CYP3A43: variants seen among roughly 807,000 people sequenced by gnomAD.
CYP3A43 encodes cytochrome P450 3A43.
A neutral mutation model predicts 58.0 loss-of-function variants in CYP3A43; 45 were observed. The observed-to-expected ratio is 0.78, with a 90% confidence interval of 0.61 to 0.99. CYP3A43 has a LOEUF of 0.99. Among genes scored for constraint, CYP3A43 ranks in the 50% least tolerant of loss-of-function variants. The pLI is 0.00. For synonymous variants in CYP3A43, 191 were observed against 201.4 expected (o/e 0.95, Z 0.44); for missense variants, 593 against 591.9 (o/e 1.00, Z -0.02).
intron 2 of CYP3A43, among the ~76,000 whole-genome samples, chr7:99,837,172 A>T (rs924253137): frequency 1.4e-5 from 2 of 144,440 alleles, no homozygotes; most frequent in Non-Finnish European, 3.0e-5. Context: ...AAAAAAAATT[A>T]GCCGGGCGCA....
chr7:99,861,496 T>C, intron 10 of CYP3A43, 117 bp from the exon 11 acceptor site: 1 of 868,288 alleles, frequency 1.2e-6, no homozygotes, highest in Admixed American at 2.7e-5. Context: ...AATGCAACAA[T>C]CTTTTACCAG....
At position 99,861,839 on chromosome 7, in the gene CYP3A43, G is replaced by A. The variant is rs1300595147; in HGVS notation, c.1253G>A (p.Arg418Lys). ...GAGCCTGAGAAGTTCTGCCCTGAAAGGTACAAGGCCCCTGGGAAAGGAGCC... is the reference window on the plus strand; with the variant it reads ...GAGCCTGAGAAGTTCTGCCCTGAAAAGTACAAGGCCCCTGGGAAAGGAGCC... The part of the protein sequence containing the change: ...WTEPEKFCPE[R>K]FSKKNKDSID... The change falls in exon 11 of 13, where the codon AGG becomes AAG. Residue 418 changes from arginine to lysine, a missense_variant and splice_region_variant. Arg to Lys is a conservative substitution (Grantham distance 26, BLOSUM62 2). Coordinates refer to ENST00000354829, the MANE Select transcript of CYP3A43 (RefSeq NM_057095.3). The A allele has an allele frequency of 1.2e-6, 2 of 1,608,438 alleles. No homozygotes were observed. The highest frequency in any genetic ancestry group is 1.7e-5 in the Admixed American group (1 of 59,924).
At position 99,859,988 on chromosome 7, in the gene CYP3A43, A is replaced by G. The variant is rs1212873337; in HGVS notation, c.1024A>G (p.Lys342Glu). The G allele has an allele frequency of 6.3e-7, 1 of 1,597,494 alleles. No individual in the cohort carries two copies. Among genetic ancestry groups the G allele is most frequent in the Admixed American group, 1.7e-5 (1 of 58,204 alleles). ...GGAGATTGACGCAGTTTTACCCAAT[A>G]AGGTAAGGGGATGATCCCCTGGAGA... ...QEEIDAVLPN[K>E]APVTYDALVQ... is the part of the protein sequence containing the mutation. Residue 342 changes from lysine to glutamate, a missense_variant and splice_region_variant, in exon 10 of 13, where the codon AAG becomes GAG. Lys to Glu is a moderately conservative substitution (Grantham distance 56). Transcript: ENST00000354829.
At chr7:99,837,235 C>T (rs1325842066) in intron 2 of CYP3A43, among the ~76,000 whole-genome samples, 5 of 145,106 alleles carry the variant, frequency 3.4e-5, no homozygotes, top group African/African-American at 1.0e-4. Context: ...AGGAGAATGG[C>T]GTGAACCCGG....
chr7:99,860,209 G>C (rs1017253609), intron 10 of CYP3A43, among the ~76,000 whole-genome samples: 2 of 152,216 alleles, frequency 1.3e-5, no homozygotes, highest in East Asian at 1.9e-4. Flanking sequence ...TGCTGGTCCT[G>C]CTGCATCCGT....
chr7:99,858,529 A>G (rs1372705885), intron 9 of CYP3A43, among the ~76,000 whole-genome samples: 1 of 152,102 alleles, frequency 6.6e-6, no homozygotes, highest in Non-Finnish European at 1.5e-5. Context: ...GAGCAGAGAG[A>G]ATGGGCATGT....
intron 7 of CYP3A43, among the ~76,000 whole-genome samples, chr7:99,850,762 T>C (rs1817730799): frequency 6.6e-6 from 1 of 152,256 alleles, no homozygotes; most frequent in African/African-American, 2.4e-5. Context: ...TATGTGGTCT[T>C]TTGTGACTGG....
At chr7:99,857,005 C>A in intron 9 of CYP3A43, 106 bp downstream of exon 9, 2 of 1,335,830 alleles carry the variant, frequency 1.5e-6, no homozygotes, top group Non-Finnish European at 1.0e-6. Flanking sequence ...ATTTCTTCCA[C>A]ATTGCAGAAA....
intron 9 of CYP3A43, 51 bp from the exon 10 acceptor site, chr7:99,859,779 T>C (rs765619891): frequency 4.4e-6 from 7 of 1,607,384 alleles, no homozygotes; most frequent in Non-Finnish European, 5.9e-6. Flanking sequence ...ATCTAAACTG[T>C]GATGCTCTAC....
At chr7:99,855,978 C>T (rs1423949882) in intron 8 of CYP3A43, among the ~76,000 whole-genome samples, 1 of 152,180 alleles carries the variant, frequency 6.6e-6, no homozygotes, top group Non-Finnish European at 1.5e-5. Flanking sequence ...AGAAGCTTTA[C>T]CGCTTCTCTT....
chr7:99,857,044 G>C (rs1172246059), intron 9 of CYP3A43, 145 bp downstream of exon 9: 2 of 1,020,304 alleles, frequency 2.0e-6, no homozygotes, highest in Non-Finnish European at 2.9e-6. Context: ...ATAAATGATA[G>C]CTGGAGGCAC....
chr7:99,852,894 A>G (rs1282704135), intron 7 of CYP3A43, among the ~76,000 whole-genome samples: 1 of 152,198 alleles, frequency 6.6e-6, no homozygotes, highest in African/African-American at 2.4e-5. Flanking sequence ...GTGTGTTTTC[A>G]TTTAATTGAC....
Position 99,861,661 on chromosome 7 carries a change from G to A in CYP3A43, c.1075G>A (p.Val359Met). The A allele has an allele frequency of 1.9e-6, 3 of 1,614,154 alleles. No individual in the cohort carries two copies. The highest frequency in any genetic ancestry group is 1.7e-6 in the Non-Finnish European group (2 of 1,180,016). ...GGTACAGATGGAGTACCTTGACATG[G>A]TGGTGAATGAAACGCTCAGATTATT... ...ALVQMEYLDMVVNETLRLFPV... is the reference protein window; with the variant it reads ...ALVQMEYLDMMVNETLRLFPV... The change falls in exon 11 of 13, where the codon GTG (valine) becomes ATG (methionine). Residue 359 changes from valine (V) to methionine (M), a missense_variant. Transcript: ENST00000354829.
chr7:99,846,330 A>G (rs1179787755), intron 4 of CYP3A43, among the ~76,000 whole-genome samples: 1 of 152,110 alleles, frequency 6.6e-6, no homozygotes, highest in Non-Finnish European at 1.5e-5. Context: ...TCACACCTAA[A>G]GTATTTCATT....
At position 99,849,588 on chromosome 7, in the gene CYP3A43, A is replaced by C. The variant is rs779107283; in HGVS notation, c.564A>C (p.Leu188Phe). The C allele has an allele frequency of 6.2e-7, 1 of 1,612,978 alleles. No homozygotes were observed. Among genetic ancestry groups the C allele is most frequent in the Admixed American group, 1.7e-5 (1 of 59,778 alleles). ...CCATGGATGTAATCACTGGCACATT[A>C]TTTGGAGTGAACTTGGATTCTCTCA... ...AYTMDVITGT[L>F]FGVNLDSLNN... Residue 188 changes from leucine (L) to phenylalanine (F), a missense_variant, in exon 7 of 13, where the codon TTA becomes TTC. Leu to Phe is a conservative substitution (Grantham distance 22). Coordinates refer to ENST00000354829, the MANE Select transcript of CYP3A43 (RefSeq NM_057095.3).
chr7:99,861,725 A>G lies in CYP3A43; in HGVS notation c.1139A>G (p.Asp380Gly). 1 of 1,614,200 alleles carries G rather than the reference A, an allele frequency of 6.2e-7. No homozygotes were observed. The highest frequency in any genetic ancestry group is 8.5e-7 in the Non-Finnish European group (1 of 1,180,030). ...AGAGTTACGAGAGTCTGCAAGAAAG[A>G]TATTGAAATCAATGGAGTGTTCATT... ...VSRVTRVCKK[D>G]IEINGVFIPK... The change falls in exon 11 of 13, where the codon GAT becomes GGT. Residue 380 changes from aspartate to glycine, a missense_variant. By Grantham distance (94) the Asp-to-Gly change is moderately conservative. Coordinates refer to ENST00000354829, the MANE Select transcript of CYP3A43 (RefSeq NM_057095.3).
In CYP3A43 at chr7:99,844,050, G is replaced by T. The variant is rs544536697; in HGVS notation, c.219-93G>T. ...TGCACAACTGCAAGTATGGATGATG[G>T]AATGTCAGGATCAAAATCTGGATTC... is the stretch of plus-strand genomic sequence containing the variant. On this transcript the variant is annotated intron_variant, in intron 3 of 12. Coordinates refer to ENST00000354829, the MANE Select transcript of CYP3A43 (RefSeq NM_057095.3). 3.7e-5 allele frequency: 35 copies of T among 958,276 alleles called. No individual in the cohort carries two copies. In the Admixed American group the frequency reaches 8.3e-4, roughly 23 times the overall value. The allele number at this position is 958,276 out of a possible 1,614,324, so 59.4% of individuals were successfully genotyped here.
chr7:99,863,465 C>G lies in CYP3A43; in HGVS notation c.1254-72C>G. ...TCCTCGCCTCCCAAAAGCCACCACA[C>G]CCTGCATAACGTGTAGTTTTAATAG... On this transcript the variant is annotated intron_variant, in intron 11 of 12. Coordinates refer to ENST00000354829, the MANE Select transcript of CYP3A43 (RefSeq NM_057095.3). 2.2e-6 allele frequency: 3 copies of G among 1,350,774 alleles called. No individual in the cohort carries two copies. In the South Asian group the frequency reaches 5.6e-5, roughly 25 times the overall value. The allele number at this position is 1,350,774 out of a possible 1,614,324, so 83.7% of individuals were successfully genotyped here.
chr7:99,839,509 C>T, intron 3 of CYP3A43: 1 of 506,712 alleles, frequency 2.0e-6, no homozygotes, highest in Non-Finnish European at 3.8e-6. Context: ...GCTGTAATTT[C>T]ACAACCCTGG....
Sources: gnomAD v4.1 joint callset for allele counts (sites outside exome capture counted in the v4.1 genomes callset) on GRCh38, gnomAD v4.1.1 for gene constraint, MANE v1.5 for transcripts, NCBI Gene and HGNC (gene_info 2026-07-23, HGNC 2026-07-21) for gene names.